DLST: variants seen among roughly 807,000 people sequenced by gnomAD.
DLST encodes the protein dihydrolipoamide S-succinyltransferase, also known as dihydrolipoyllysine-residue succinyltransferase component of 2-oxoglutarate dehydrogenase complex, mitochondrial.
DLST carries 17 observed loss-of-function variants against 53.1 expected under a neutral mutation model. The observed-to-expected ratio is 0.32, with a 90% CI of 0.22 to 0.48. The LOEUF (loss-of-function observed/expected upper bound fraction) is 0.48. Ranked by LOEUF, DLST falls within the 20% of genes least tolerant of loss-of-function variation. The pLI, the probability that DLST is intolerant of heterozygous loss-of-function variation, is 0.99. For synonymous variants in DLST, 206 were observed against 204.8 expected, an observed-to-expected ratio of 1.01 and a Z score of -0.05; for missense variants, 512 against 583.9, an observed-to-expected ratio of 0.88 and a Z score of 1.27.
Position 74,893,334 on chromosome 14 carries a change from C to T in DLST, c.596-14C>T, listed in dbSNP as rs895826465. 6.2e-7 allele frequency: 1 copy of T among 1,614,068 alleles called. No individual in the cohort carries two copies. On this transcript the variant is annotated splice_polypyrimidine_tract_variant and intron_variant, in intron 8 of 14. Coordinates refer to ENST00000334220, the MANE Select transcript of DLST (RefSeq NM_001933.5). The stretch of plus-strand genomic sequence containing the variant: ...TCCTTGTCTGATGCAGCTTTATCCT[C>T]TTTTCATTTTCAGTGTCTGCAGTAA...
Position 74,902,337 on chromosome 14 carries a change from C to G in DLST, c.*7C>G. On this transcript the variant is annotated 3_prime_UTR_variant, in exon 15 of 15. Transcript: ENST00000334220. ...CCTCCTCCTGGATCTTTAGGAGGAA[C>G]CCACACACCCTACAAGTTGATCATG... is the stretch of plus-strand genomic sequence containing the variant. 1 of 1,607,268 alleles carries G rather than the reference C, an allele frequency of 6.2e-7. No homozygotes were observed. Among genetic ancestry groups the G allele is most frequent in the East Asian group, 2.2e-5 (1 of 44,714 alleles).
Position 74,885,567 on chromosome 14 carries a change from GTTA to G in DLST, c.98-16_98-14del. On this transcript the variant is annotated splice_polypyrimidine_tract_variant and intron_variant, in intron 2 of 14. Transcript: ENST00000334220. ...GTGAGATAAGAGTTGTTGGTTAAGAGTTATTTTGTTTCTTGCAGGGGTCTCCTT... is the reference window on the plus strand; with the variant it reads ...GTGAGATAAGAGTTGTTGGTTAAGAGTTTTGTTTCTTGCAGGGGTCTCCTT... 6.2e-7 allele frequency: 1 copy of G among 1,614,006 alleles called. No homozygotes were observed.
At chr14:74,896,078 T>A (rs975731219) in intron 10 of DLST, among the ~76,000 whole-genome samples, 8 of 152,170 alleles carry the variant, frequency 5.3e-5, no homozygotes, top group Non-Finnish European at 7.3e-5. Context: ...GCTGGTCTCC[T>A]GAACGTCTAG....
intron 5 of DLST, chr14:74,889,579 C>G: frequency 1.8e-6 from 1 of 542,138 alleles, no homozygotes; most frequent in Non-Finnish European, 3.2e-6. Flanking sequence ...CCATGTTGGT[C>G]AGGCTGGTCT....
intron 11 of DLST, 37 bp from the exon 12 acceptor site, chr14:74,899,886 G>C: frequency 1.3e-6 from 2 of 1,536,302 alleles, no homozygotes; most frequent in Non-Finnish European, 1.8e-6. Flanking sequence ...TGGCCTTCCT[G>C]GGGAGTTGTA....
intron 2 of DLST, among the ~76,000 whole-genome samples, chr14:74,884,621 G>T (rs760906936): frequency 2.6e-5 from 4 of 152,188 alleles, no homozygotes; most frequent in Non-Finnish European, 5.9e-5. Flanking sequence ...TTTGCTGTAG[G>T]ATGAACTCTG....
chr14:74,882,148 G>A (rs1196646523), intron 1 of DLST, 132 bp downstream of exon 1: 2 of 798,796 alleles, frequency 2.5e-6, no homozygotes, highest in South Asian at 4.7e-5. Context: ...GAGGCCGCGC[G>A]GGCTGGGCGG....
chr14:74,891,217 T>C (rs1883895746), intron 7 of DLST, 50 bp downstream of exon 7: 4 of 1,612,934 alleles, frequency 2.5e-6, no homozygotes, highest in African/African-American at 1.3e-5. Flanking sequence ...CCTCTTGGGA[T>C]TGGGACTGAG....
chr14:74,899,887 G>A (rs760671648), intron 11 of DLST, 36 bp from the exon 12 acceptor site: 12 of 1,540,014 alleles, frequency 7.8e-6, no homozygotes, highest in Non-Finnish European at 1.1e-5. Flanking sequence ...GGCCTTCCTG[G>A]GGAGTTGTAT....
intron 11 of DLST, among the ~76,000 whole-genome samples, chr14:74,899,677 C>T (rs1024782958): frequency 6.6e-6 from 1 of 152,184 alleles, no homozygotes; most frequent in African/African-American, 2.4e-5. Context: ...TTGAGCCCTT[C>T]TTAGGGCTGC....
At chr14:74,884,001 A>G (rs951727682) in intron 2 of DLST, among the ~76,000 whole-genome samples, 43 of 152,200 alleles carry the variant, frequency 2.8e-4, no homozygotes, top group African/African-American at 9.2e-4. Context: ...GAGAGGAATT[A>G]AAGGGTGTGA....
intron 13 of DLST, 61 bp from the exon 14 acceptor site, chr14:74,901,005 C>T: frequency 6.3e-7 from 1 of 1,575,392 alleles, no homozygotes; most frequent in Non-Finnish European, 8.6e-7. Flanking sequence ...GGATTATGGA[C>T]TGACTTTAGG....
In DLST at chr14:74,882,032, G is replaced by T. The variant is rs369774111; in HGVS notation, c.63+16G>T. On this transcript the variant is annotated intron_variant, in intron 1 of 14. Coordinates refer to ENST00000334220, the MANE Select transcript of DLST (RefSeq NM_001933.5). The stretch of plus-strand genomic sequence containing the variant: ...CTTCCAGAAGGTACGGTCTGGCCGA[G>T]CCGGGGCCCCGACGGGTGAGGAGTC... 1.9e-5 allele frequency: 29 copies of T among 1,543,362 alleles called. No homozygotes were observed. Among genetic ancestry groups the T allele is most frequent in the African/African-American group, 4.2e-5 (3 of 71,342 alleles).
chr14:74,898,303 T>G, intron 10 of DLST, 66 bp from the exon 11 acceptor site: 1 of 1,575,578 alleles, frequency 6.3e-7, no homozygotes, highest in Non-Finnish European at 8.6e-7. Context: ...GTATATGGAT[T>G]GAGAAACCTG....
chr14:74,882,509 A>G lies in DLST; in HGVS notation c.64-82A>G, dbSNP rs185461540. On this transcript the variant is annotated intron_variant, in intron 1 of 14. Coordinates refer to ENST00000334220, the MANE Select transcript of DLST (RefSeq NM_001933.5). ...ATTCACCTGTCACCACCACTGGGAC[A>G]GCTTTGAGCGTGTACTTAAAAGAAA... The G allele has an allele frequency of 1.2e-3, 1,639 of 1,409,182 alleles. 2 individuals are homozygous for G. Among genetic ancestry groups the G allele is most frequent in the Non-Finnish European group, 1.5e-3 (1,526 of 999,032 alleles). 87.3% of individuals were successfully genotyped at this position (1,409,182 alleles called of 1,614,324 possible).
At chr14:74,889,733 C>G (rs1883836738) in intron 5 of DLST, 164 bp from the exon 6 acceptor site, 1 of 654,364 alleles carries the variant, frequency 1.5e-6, no homozygotes, top group Non-Finnish European at 2.6e-6. Flanking sequence ...CCCCTCCCCT[C>G]AGGATAGTTG....
chr14:74,889,648 C>T (rs367670131), intron 5 of DLST: 93 of 549,476 alleles, frequency 1.7e-4, no homozygotes, highest in African/African-American at 1.5e-3. Flanking sequence ...GTTGGGATTA[C>T]AGGCCTGAGC....
chr14:74,887,035 G>A (rs1264224178), intron 3 of DLST, among the ~76,000 whole-genome samples: 3 of 151,986 alleles, frequency 2.0e-5, no homozygotes, highest in Non-Finnish European at 2.9e-5. Context: ...GCCACTGCCC[G>A]GCCTGTGTGT....
At chr14:74,898,070 C>G (rs570836359) in intron 10 of DLST, among the ~76,000 whole-genome samples, 54 of 151,596 alleles carry the variant, frequency 3.6e-4, no homozygotes, top group Non-Finnish European at 7.1e-4. Context: ...TGTTGGTGTG[C>G]TGTGTGATCT....
Sources: allele counts gnomAD v4.1 joint callset (sites outside exome capture counted in the v4.1 genomes callset), GRCh38; gene constraint gnomAD v4.1.1; transcripts MANE v1.5; gene names NCBI Gene and HGNC (gene_info 2026-07-23, HGNC 2026-07-21).